FDFT1: variants seen among roughly 807,000 people sequenced by gnomAD.
FDFT1 encodes squalene synthase.
A neutral mutation model predicts 46.8 loss-of-function variants in FDFT1; 68 were observed. The ratio of observed to expected loss-of-function variants is 1.45; its 90% CI spans 1.19 to 1.78. FDFT1 has a LOEUF of 1.78. Ranked by LOEUF, FDFT1 falls within the 40% of genes most tolerant of loss-of-function variation. The pLI is 0.00. For synonymous variants in FDFT1, 351 were observed against 185.1 expected (o/e 1.90, Z -7.28); for missense variants, 928 against 524.4 (o/e 1.77, Z -7.52).
chr8:11,826,605 G>A (rs1044064336), intron 5 of FDFT1, among the ~76,000 whole-genome samples: 4 of 152,202 alleles, frequency 2.6e-5, no homozygotes, highest in Non-Finnish European at 5.9e-5. Flanking sequence ...CCTGAGGCCA[G>A]GAGTTCGAGA....
At chr8:11,832,774 C>T (rs1405258276) in intron 7 of FDFT1, among the ~76,000 whole-genome samples, 1 of 151,968 alleles carries the variant, frequency 6.6e-6, no homozygotes, top group African/African-American at 2.4e-5. Context: ...TGCTGTGATC[C>T]TCAGGTGTGA....
chr8:11,805,877 A>G (rs761495959), intron 1 of FDFT1, among the ~76,000 whole-genome samples: 16 of 152,220 alleles, frequency 1.1e-4, no homozygotes, highest in Non-Finnish European at 2.9e-5. Flanking sequence ...TCAGTGGACT[A>G]TGGGCCTGTG....
intron 4 of FDFT1, among the ~76,000 whole-genome samples, chr8:11,824,027 G>A (rs938297717): frequency 1.4e-5 from 2 of 147,984 alleles, no homozygotes; most frequent in African/African-American, 5.3e-5. Flanking sequence ...ACTACACTCA[G>A]CCTTTTAAAA....
rs1214719577 is a variant in FDFT1, at chr8:11,808,598, G to C, written c.100-196G>C. 6 of 1,389,258 alleles carry C rather than the reference G, an allele frequency of 4.3e-6. No homozygotes were observed. In the East Asian group the frequency reaches 8.5e-5, roughly 20 times the overall value. The allele number at this position is 1,389,258 out of a possible 1,614,324, so 86.1% of individuals were successfully genotyped here. On this transcript the variant is annotated intron_variant, in intron 1 of 7. Coordinates refer to ENST00000220584, the MANE Select transcript of FDFT1 (RefSeq NM_004462.5). ...TGCTGAGTCCCGCCGCGGCGCCCAG[G>C]GGCCCGGGCGCAGGCACCGCCCCGC...
chr8:11,797,308 G>C (rs557587022), upstream of FDFT1, among the ~76,000 whole-genome samples: 23 of 152,262 alleles, frequency 1.5e-4, no homozygotes, highest in African/African-American at 4.6e-4. Context: ...ATAGTGTCTG[G>C]CTGTTATCCA....
At chr8:11,803,351 T>A in intron 1 of FDFT1, 1 of 1,290,928 alleles carries the variant, frequency 7.7e-7, no homozygotes. Flanking sequence ...GTTTCTGGAA[T>A]GAAGTCTGAC....
At chr8:11,837,000 A>G (rs1022326936) in intron 7 of FDFT1, among the ~76,000 whole-genome samples, 4 of 152,220 alleles carry the variant, frequency 2.6e-5, no homozygotes, top group Non-Finnish European at 5.9e-5. Context: ...GTCCATTTCC[A>G]CGTAAGTGGA....
At position 11,826,119 on chromosome 8, in the gene FDFT1, A is replaced by G; in HGVS notation, c.606A>G (p.Glu202=). The G allele has an allele frequency of 1.2e-6, 2 of 1,610,304 alleles. No homozygotes were observed. The highest frequency in any genetic ancestry group is 2.2e-5 in the East Asian group (1 of 44,830). The change falls in exon 5 of 8, where the codon GAA becomes GAG. Residue 202 remains glutamate, a synonymous_variant. Transcript: ENST00000220584. ...FEDPLVGEDT[E]RANSMGLFLQ... is the part of the protein sequence containing the mutation. Reference sequence around the variant, plus strand: ...ACCCCTTAGTTGGTGAAGATACAGAACGTGCCAACTCTATGGGCCTGTTTT... The same window carrying G: ...ACCCCTTAGTTGGTGAAGATACAGAGCGTGCCAACTCTATGGGCCTGTTTT...
At chr8:11,826,531 C>A (rs562907261) in intron 5 of FDFT1, among the ~76,000 whole-genome samples, 1 of 152,124 alleles carries the variant, frequency 6.6e-6, no homozygotes, top group East Asian at 1.9e-4. Context: ...TGGCTTTGTT[C>A]GGCCTGGCGC....
intron 2 of FDFT1, 182 bp downstream of exon 2, chr8:11,809,073 G>A (rs944644373): frequency 1.5e-6 from 2 of 1,293,434 alleles, no homozygotes; most frequent in Non-Finnish European, 2.0e-6. Context: ...TTGCCATCTA[G>A]TAGAGTCCCT....
In FDFT1 at chr8:11,809,766, C is replaced by T. The variant is rs1807443184; in HGVS notation, c.297C>T (p.Asn99=). ...SVEKKVPLLH[N]FHSFLYQPDW... ...AAAAGAAGGTCCCGCTGTTACACAA[C>T]TTTCACTCTTTCCTTTACCAACCAG... Residue 99 remains asparagine, a synonymous_variant, in exon 3 of 8, where the codon AAC becomes AAT. Transcript: ENST00000220584. 9.3e-6 allele frequency: 15 copies of T among 1,614,056 alleles called. No individual in the cohort carries two copies. The Admixed American group carries it at 1.8e-4, about 20-fold the overall frequency.
chr8:11,817,737 C>A (rs548792149), intron 3 of FDFT1, among the ~76,000 whole-genome samples: 1 of 151,932 alleles, frequency 6.6e-6, no homozygotes, highest in Non-Finnish European at 1.5e-5. Context: ...TTTATTACGT[C>A]TTTTTGATTC....
At chr8:11,799,978 C>G (rs534974677), upstream of FDFT1, among the ~76,000 whole-genome samples, 3 of 142,494 alleles carry the variant, frequency 2.1e-5, no homozygotes, top group Non-Finnish European at 4.6e-5. Context: ...AAATAGCACT[C>G]GAAGGCTGGG....
At chr8:11,800,260 C>A (rs1304683625), upstream of FDFT1, among the ~76,000 whole-genome samples, 10 of 57,912 alleles carry the variant, frequency 1.7e-4, no homozygotes, top group African/African-American at 4.0e-4. Flanking sequence ...AATTCTGTCT[C>A]AAAAAAAAAA....
chr8:11,803,047 C>T, intron 1 of FDFT1, 116 bp downstream of exon 1: 2 of 1,467,570 alleles, frequency 1.4e-6, no homozygotes, highest in East Asian at 2.5e-5. Context: ...AGGGCCGACG[C>T]CTGGGTGTTC....
intron 3 of FDFT1, among the ~76,000 whole-genome samples, chr8:11,814,249 G>A (rs1808132943): frequency 6.6e-6 from 1 of 150,806 alleles, no homozygotes; most frequent in African/African-American, 2.4e-5. Context: ...CAGCTGTTGT[G>A]CAAAGAAAAA....
At chr8:11,822,720 G>A (rs575725620) in intron 4 of FDFT1, among the ~76,000 whole-genome samples, 1 of 152,282 alleles carries the variant, frequency 6.6e-6, no homozygotes, top group African/African-American at 2.4e-5. Flanking sequence ...AGGCTGAGGT[G>A]TGGGAGGATT....
intron 1 of FDFT1, among the ~76,000 whole-genome samples, chr8:11,804,816 T>C (rs2740451): frequency 0.74 from 112,512 of 151,218 alleles, 41,873 homozygotes; most frequent in South Asian, 0.79. Context: ...ACCATGTTGG[T>C]GAGGCTGGTT....
intron 7 of FDFT1, among the ~76,000 whole-genome samples, chr8:11,837,577 G>C (rs1192151926): frequency 6.6e-6 from 1 of 152,146 alleles, no homozygotes; most frequent in Non-Finnish European, 1.5e-5. Flanking sequence ...GCAAGGGCTG[G>C]TGACACTAGA....
Sources: gnomAD v4.1 joint callset for allele counts (sites outside exome capture counted in the v4.1 genomes callset) on GRCh38, gnomAD v4.1.1 for gene constraint, MANE v1.5 for transcripts, NCBI Gene and HGNC (gene_info 2026-07-23, HGNC 2026-07-21) for gene names.